Variants in INSL6 observed in about 807,000 individuals in gnomAD.
INSL6 encodes the protein insulin-like peptide INSL6.
INSL6 carries 16 observed loss-of-function variants against 9.4 expected under a neutral mutation model. The observed-to-expected ratio is 1.70, with a 90% CI of 1.15 to 2.59. INSL6 has a LOEUF of 2.59. INSL6 is among the 30% of genes most tolerant of loss of function. INSL6 has a pLI of 0.00. For synonymous variants in INSL6, 154 were observed against 96.9 expected, an observed-to-expected ratio of 1.59 and a Z score of -3.46; for missense variants, 391 against 257.3, an observed-to-expected ratio of 1.52 and a Z score of -3.56.
the INSL6 span, among the ~76,000 whole-genome samples, chr9:5,031,464 G>A: frequency 5.9e-5 from 9 of 152,266 alleles, no homozygotes; most frequent in East Asian, 1.2e-3. Flanking sequence ...TCATATTAAC[G>A]TGGAAGGGAG....
the INSL6 span, among the ~76,000 whole-genome samples, chr9:5,028,138 C>A: frequency 2.0e-5 from 3 of 152,072 alleles, no homozygotes; most frequent in African/African-American, 7.2e-5. Context: ...AATGTGTTTC[C>A]CAAATAATAA....
At chr9:5,084,291 A>T in the INSL6 span, among the ~76,000 whole-genome samples, 2 of 152,076 alleles carry the variant, frequency 1.3e-5, no homozygotes, top group African/African-American at 4.8e-5. Context: ...TTTTACTTTC[A>T]TCTTTGTTTG....
the INSL6 span, among the ~76,000 whole-genome samples, chr9:5,060,675 C>T: frequency 1.5e-4 from 23 of 152,290 alleles, no homozygotes; most frequent in East Asian, 3.7e-3. Flanking sequence ...AGTCGTGAAC[C>T]CCTCAAAGTC....
chr9:5,087,997 AAC>A, the INSL6 span, among the ~76,000 whole-genome samples: 3 of 152,236 alleles, frequency 2.0e-5, no homozygotes, highest in Non-Finnish European at 4.4e-5. Context: ...AAATTTTATG[AAC>A]ACATTGTTAA....
chr9:5,058,974 A>G, the INSL6 span, among the ~76,000 whole-genome samples: 2 of 152,134 alleles, frequency 1.3e-5, no homozygotes, highest in East Asian at 1.9e-4. Flanking sequence ...CTCCCATTCC[A>G]TAGATTGCTT....
the INSL6 span, among the ~76,000 whole-genome samples, chr9:5,068,252 T>C: frequency 6.6e-6 from 1 of 151,872 alleles, no homozygotes; most frequent in African/African-American, 2.4e-5. Context: ...AGATTTTATA[T>C]AAATGTTTCT....
the INSL6 span, chr9:5,072,362 T>A: frequency 1.0e-5 from 6 of 584,778 alleles, no homozygotes; most frequent in African/African-American, 7.5e-5. Flanking sequence ...GTCTTAAATC[T>A]GGATTTAGAT....
chr9:5,176,820 A>G lies in INSL6; in HGVS notation c.289+8494T>C, dbSNP rs888876476. Among the ~76,000 whole-genome samples, 4 of 152,280 alleles carry G rather than the reference A, an allele frequency of 2.6e-5. No homozygotes were observed. The East Asian group carries it at 5.8e-4, about 22-fold the overall frequency. ...AATCAACAAACTATTAGAACTATGA[A>G]GATAGTTCAGCATGGTTGCTGGATA... is the stretch of plus-strand genomic sequence containing the variant. On this transcript the variant is annotated intron_variant, in intron 1 of 1. Transcript: ENST00000381641.
intron 2 of INSL6, among the ~76,000 whole-genome samples, chr9:5,158,001 T>G (rs1217502123): frequency 6.6e-6 from 1 of 151,758 alleles, no homozygotes; most frequent in Admixed American, 6.6e-5. Context: ...ACAAAGAAAT[T>G]GAAATAAAAA....
intron 2 of INSL6, among the ~76,000 whole-genome samples, chr9:5,144,365 G>C (rs754956908): frequency 9.2e-5 from 14 of 152,172 alleles, no homozygotes; most frequent in Non-Finnish European, 1.6e-4. Flanking sequence ...TGGTACGAGA[G>C]ACCGTTTGTA....
chr9:5,122,906 A>G (rs1275018013), downstream of INSL6: 4 of 741,656 alleles, frequency 5.4e-6, no homozygotes, highest in Non-Finnish European at 8.6e-6. Flanking sequence ...TCTTTTCTCT[A>G]CATGTTTTTT....
At chr9:5,066,449 C>A in the INSL6 span, among the ~76,000 whole-genome samples, 1 of 151,934 alleles carries the variant, frequency 6.6e-6, no homozygotes, top group Non-Finnish European at 1.5e-5. Flanking sequence ...TTATAAATAC[C>A]TTTTATTGGT....
the INSL6 span, among the ~76,000 whole-genome samples, chr9:5,032,242 G>A: frequency 6.6e-6 from 1 of 152,232 alleles, no homozygotes. Context: ...GGTAAACAAA[G>A]CAGCCAGGAA....
At chr9:5,068,404 C>A in the INSL6 span, among the ~76,000 whole-genome samples, 3 of 152,054 alleles carry the variant, frequency 2.0e-5, no homozygotes, top group Admixed American at 1.3e-4. Flanking sequence ...AATGGTGGTG[C>A]AGTGGAATGG....
chr9:5,016,577 C>T, the INSL6 span, among the ~76,000 whole-genome samples: 1 of 152,160 alleles, frequency 6.6e-6, no homozygotes, highest in Non-Finnish European at 1.5e-5. Flanking sequence ...TGAAGTGTAA[C>T]ACACAAACAG....
chr9:5,151,051 T>C (rs998950373), intron 2 of INSL6, among the ~76,000 whole-genome samples: 16 of 152,082 alleles, frequency 1.1e-4, no homozygotes, highest in African/African-American at 3.9e-4. Flanking sequence ...TTGTAAAGTA[T>C]GGAATGACAG....
At chr9:5,027,478 T>C in the INSL6 span, among the ~76,000 whole-genome samples, 1 of 152,226 alleles carries the variant, frequency 6.6e-6, no homozygotes, top group Admixed American at 6.5e-5. Context: ...TTGATGTTGA[T>C]GGCTACTGAC....
the INSL6 span, among the ~76,000 whole-genome samples, chr9:5,083,705 A>G: frequency 6.6e-6 from 1 of 152,200 alleles, no homozygotes; most frequent in African/African-American, 2.4e-5. Flanking sequence ...TAGACATAAC[A>G]AAGAATACAT....
At chr9:5,071,967 G>T in the INSL6 span, among the ~76,000 whole-genome samples, 1 of 152,268 alleles carries the variant, frequency 6.6e-6, no homozygotes, top group Non-Finnish European at 1.5e-5. Flanking sequence ...TGTGCTAAGT[G>T]CTTTTATGTA....
Sources: gnomAD v4.1 joint callset for allele counts (sites outside exome capture counted in the v4.1 genomes callset) on GRCh38, gnomAD v4.1.1 for gene constraint, MANE v1.5 for transcripts, NCBI Gene and HGNC (gene_info 2026-07-23, HGNC 2026-07-21) for gene names.